Variants in DOCK5 observed in about 807,000 individuals in gnomAD.
DOCK5 encodes dedicator of cytokinesis 5.
In DOCK5, 142 loss-of-function variants were observed where a neutral mutation model predicts 251.8. The observed-to-expected ratio is 0.56, with a 90% CI of 0.49 to 0.65. DOCK5 has a LOEUF of 0.65. Among genes scored for constraint, DOCK5 ranks in the 30% least tolerant of loss-of-function variants. DOCK5 has a pLI of 0.00. For synonymous variants in DOCK5, 842 were observed against 835.5 expected (o/e 1.01, Z -0.13); for missense variants, 2,111 against 2,312.3 (o/e 0.91, Z 1.79).
chr8:25,193,202 G>A (rs1801630377), intron 1 of DOCK5, among the ~76,000 whole-genome samples: 1 of 152,130 alleles, frequency 6.6e-6, no homozygotes, highest in Non-Finnish European at 1.5e-5. Context: ...CTGGTCACAA[G>A]CTTTTCATCA....
At chr8:25,222,767 G>A (rs1281173261) in intron 1 of DOCK5, among the ~76,000 whole-genome samples, 3 of 152,156 alleles carry the variant, frequency 2.0e-5, no homozygotes, top group Non-Finnish European at 4.4e-5. Context: ...GCAGCTCAAT[G>A]AGACCTTCAT....
At chr8:25,304,167 T>G in intron 10 of DOCK5, 88 bp from the exon 11 acceptor site, 1 of 1,112,690 alleles carries the variant, frequency 9.0e-7, no homozygotes, top group Non-Finnish European at 1.3e-6. Flanking sequence ...CTGCAGTGTT[T>G]GATGTTTGCT....
In DOCK5 at chr8:25,189,042, CTTTCTT is replaced by C. The variant is rs534963198; in HGVS notation, c.43+4095_43+4100del. Among the ~76,000 whole-genome samples, 664 of 97,396 alleles carry C rather than the reference CTTTCTT, an allele frequency of 6.8e-3. 1 individual carries two copies. The highest frequency in any genetic ancestry group is 0.017 in the Middle Eastern group (3 of 174). The allele number at this position is 97,396 out of a possible 152,430, so 63.9% of individuals were successfully genotyped here. A position where few individuals can be genotyped will look rare whatever the true frequency, so the allele number is the denominator to read the frequency against. On this transcript the variant is annotated intron_variant, in intron 1 of 51. Coordinates refer to ENST00000276440, the MANE Select transcript of DOCK5 (RefSeq NM_024940.8). ...TTTTTTTCTTTTCTTTTCTTTCTTT[CTTTCTT>C]TTTTTTTTTTTTTTTTTTGAGACAG...
At chr8:25,297,002 C>T (rs1235792625) in intron 7 of DOCK5, among the ~76,000 whole-genome samples, 3 of 152,010 alleles carry the variant, frequency 2.0e-5, no homozygotes, top group Admixed American at 6.6e-5. Context: ...GGAAGGAAAA[C>T]GGGGTGGGAG....
chr8:25,207,712 C>A (rs1802035187), intron 1 of DOCK5, among the ~76,000 whole-genome samples: 1 of 152,196 alleles, frequency 6.6e-6, no homozygotes, highest in Non-Finnish European at 1.5e-5. Context: ...ATTGACAATG[C>A]ACCAGGTCAC....
intron 1 of DOCK5, among the ~76,000 whole-genome samples, chr8:25,202,172 C>T (rs1003289781): frequency 6.6e-6 from 1 of 152,136 alleles, no homozygotes; most frequent in Admixed American, 6.5e-5. Flanking sequence ...CATGCACCAC[C>T]ACCCCCAGCT....
At chr8:25,301,496 G>A (rs978625441) in intron 9 of DOCK5, among the ~76,000 whole-genome samples, 1 of 152,144 alleles carries the variant, frequency 6.6e-6, no homozygotes, top group Non-Finnish European at 1.5e-5. Context: ...TTTGAGATGT[G>A]ATTAGTTTTT....
At chr8:25,404,628 G>A (rs1328552980) in intron 48 of DOCK5, among the ~76,000 whole-genome samples, 2 of 152,054 alleles carry the variant, frequency 1.3e-5, no homozygotes, top group Non-Finnish European at 2.9e-5. Flanking sequence ...AGTGCTTACT[G>A]GTGGTTATTC....
chr8:25,403,758 G>A (rs1157685221), intron 48 of DOCK5, 34 bp downstream of exon 48: 10 of 1,608,762 alleles, frequency 6.2e-6, no homozygotes, highest in Non-Finnish European at 8.5e-6. Flanking sequence ...CAGGAAGGGT[G>A]GGGTAACGCC....
chr8:25,234,444 G>A (rs1802743579), intron 1 of DOCK5, among the ~76,000 whole-genome samples: 1 of 152,150 alleles, frequency 6.6e-6, no homozygotes, highest in African/African-American at 2.4e-5. Context: ...TTCTGGGCTG[G>A]GTAGTGAGCT....
intron 21 of DOCK5, 104 bp from the exon 22 acceptor site, chr8:25,336,135 G>A (rs938139672): frequency 1.2e-5 from 15 of 1,249,744 alleles, no homozygotes; most frequent in Non-Finnish European, 1.7e-5. Flanking sequence ...AATTAGTTAT[G>A]ACTTCTACTT....
At chr8:25,363,214 G>A in intron 29 of DOCK5, 73 bp downstream of exon 29, 1 of 1,298,162 alleles carries the variant, frequency 7.7e-7, no homozygotes, top group East Asian at 2.3e-5. Context: ...TTTGGGAAAT[G>A]TCTTTAAATC....
chr8:25,358,188 T>C (rs1345041597), intron 27 of DOCK5, among the ~76,000 whole-genome samples: 1 of 152,148 alleles, frequency 6.6e-6, no homozygotes, highest in East Asian at 1.9e-4. Context: ...AGAGGTTTAA[T>C]TGACTCACAG....
chr8:25,396,692 G>T (rs1316654219), intron 45 of DOCK5, among the ~76,000 whole-genome samples: 5 of 152,022 alleles, frequency 3.3e-5, no homozygotes, highest in Admixed American at 3.3e-4. Flanking sequence ...GAGCCGCCTG[G>T]AGAGTGGGTA....
rs1415624410 is a variant in DOCK5, at chr8:25,341,823, C to T, written c.2510+14C>T. 6.4e-7 allele frequency: 1 copy of T among 1,556,162 alleles called. No homozygotes were observed. Among genetic ancestry groups the T allele is most frequent in the African/African-American group, 1.4e-5 (1 of 73,470 alleles). ...TGTTGAGCTCAGGTAAATAGCAAAACAAAATTTTGTTCCTTAACTCTAACA... is the reference window on the plus strand; with the variant it reads ...TGTTGAGCTCAGGTAAATAGCAAAATAAAATTTTGTTCCTTAACTCTAACA... On this transcript the variant is annotated intron_variant, in intron 24 of 51. Transcript: ENST00000276440.
intron 1 of DOCK5, among the ~76,000 whole-genome samples, chr8:25,194,274 A>G (rs1801662523): frequency 6.6e-6 from 1 of 152,152 alleles, no homozygotes; most frequent in South Asian, 2.1e-4. Flanking sequence ...AGCCTGGGTA[A>G]CAGAGCAAGA....
At chr8:25,247,181 C>T (rs1441359037) in intron 2 of DOCK5, among the ~76,000 whole-genome samples, 1 of 152,210 alleles carries the variant, frequency 6.6e-6, no homozygotes, top group Non-Finnish European at 1.5e-5. Flanking sequence ...TAAGCCATAG[C>T]ACCTGGCCCA....
intron 37 of DOCK5, chr8:25,375,040 G>T: frequency 9.7e-7 from 1 of 1,031,314 alleles, no homozygotes; most frequent in Non-Finnish European, 1.2e-6. Context: ...CTAAATAAAT[G>T]TATGTTGTGG....
intron 13 of DOCK5, among the ~76,000 whole-genome samples, 189 bp downstream of exon 13, chr8:25,310,721 C>T (rs551135630): frequency 4.1e-4 from 62 of 152,206 alleles, no homozygotes; most frequent in African/African-American, 1.4e-3. Flanking sequence ...GTCATTATTA[C>T]AAATATAAAA....
Sources: allele counts gnomAD v4.1 joint callset (sites outside exome capture counted in the v4.1 genomes callset), GRCh38; gene constraint gnomAD v4.1.1; transcripts MANE v1.5; gene names NCBI Gene and HGNC (gene_info 2026-07-23, HGNC 2026-07-21).